Variants in GRIN2A observed in about 807,000 individuals in gnomAD.
GRIN2A encodes glutamate receptor ionotropic, NMDA 2A.
In GRIN2A, 22 loss-of-function variants were observed where a neutral mutation model predicts 113.4. The ratio of observed to expected loss-of-function variants is 0.19; its 90% CI spans 0.14 to 0.28. The LOEUF (loss-of-function observed/expected upper bound fraction) is 0.28, where lower values mean the gene tolerates loss of function less well. Among genes scored for constraint, GRIN2A ranks in the 10% least tolerant of loss-of-function variants. The pLI is 1.00. For missense variants in GRIN2A, 1,502 were observed against 1,887.0 expected (o/e 0.80, Z 3.78); for synonymous variants, 827 against 738.4 (o/e 1.12, Z -1.94).
At chr16:9,968,210 C>T (rs377721712) in intron 2 of GRIN2A, among the ~76,000 whole-genome samples, 6 of 152,182 alleles carry the variant, frequency 3.9e-5, no homozygotes, top group African/African-American at 1.2e-4. Flanking sequence ...CTTTGTATTG[C>T]TTCCTTCCTT....
At chr16:9,965,403 A>G (rs111490363) in intron 2 of GRIN2A, among the ~76,000 whole-genome samples, 1 of 152,194 alleles carries the variant, frequency 6.6e-6, no homozygotes, top group South Asian at 2.1e-4. Context: ...CTGCCTCAAT[A>G]TCATTAAAAG....
rs5016290 is a variant in GRIN2A, at chr16:9,892,951, G to A, written c.1008-1851C>T. 6.2e-3 allele frequency among the ~76,000 whole-genome samples: 800 copies of A among 128,994 alleles called. 2 individuals are homozygous for A. Among genetic ancestry groups the A allele is most frequent in the African/African-American group, 0.013 (398 of 30,642 alleles). The allele number at this position is 128,994 out of a possible 152,430, so 84.6% of individuals were successfully genotyped here. A position where few individuals can be genotyped will look rare whatever the true frequency, so the allele number is the denominator to read the frequency against. ...AAAAAGTGAAAAAAAAAAAAAAAAA[G>A]AAGAAGAAGAAGAAGAGAACTAGGC... On this transcript the variant is annotated intron_variant, in intron 3 of 12. Coordinates refer to ENST00000330684, the MANE Select transcript of GRIN2A (RefSeq NM_001134407.3).
intron 4 of GRIN2A, among the ~76,000 whole-genome samples, chr16:9,884,474 G>C (rs1210461923): frequency 6.6e-6 from 1 of 152,012 alleles, no homozygotes; most frequent in African/African-American, 2.4e-5. Flanking sequence ...GCTTGAACCT[G>C]GGAGGCAGAG....
chr16:9,928,676 G>A (rs1245670101), intron 3 of GRIN2A, among the ~76,000 whole-genome samples: 1 of 151,716 alleles, frequency 6.6e-6, no homozygotes, highest in African/African-American at 2.4e-5. Flanking sequence ...CAGACTCAAA[G>A]CCCCATCACC....
chr16:10,007,726 A>T (rs1157165595), intron 2 of GRIN2A, among the ~76,000 whole-genome samples: 6 of 152,194 alleles, frequency 3.9e-5, no homozygotes, highest in Admixed American at 3.9e-4. Flanking sequence ...GTAAAGGGAA[A>T]TAGAAAAGCA....
intron 2 of GRIN2A, among the ~76,000 whole-genome samples, chr16:10,088,339 G>A (rs1346723651): frequency 2.6e-5 from 4 of 152,166 alleles, no homozygotes; most frequent in African/African-American, 9.7e-5. Flanking sequence ...AAATGCCACA[G>A]TGCCACTTTC....
At chr16:9,948,853 G>A (rs769158541) in intron 2 of GRIN2A, among the ~76,000 whole-genome samples, 11 of 152,196 alleles carry the variant, frequency 7.2e-5, no homozygotes, top group Non-Finnish European at 1.5e-4. Flanking sequence ...TGACCCCAGG[G>A]TATGCATAGC....
chr16:9,784,980 C>T (rs12447580), intron 11 of GRIN2A, among the ~76,000 whole-genome samples: 5,599 of 152,210 alleles, frequency 0.037, 187 homozygotes, highest in Non-Finnish European at 0.049. Context: ...GGAACACTTA[C>T]ACTGTTGGTG....
chr16:9,937,882 A>G, intron 3 of GRIN2A, 77 bp downstream of exon 3: 3 of 1,006,114 alleles, frequency 3.0e-6, no homozygotes, highest in South Asian at 2.7e-5. Context: ...ATTTCCAACA[A>G]TGAGTATGTA....
chr16:9,966,952 G>C (rs2045566598), intron 2 of GRIN2A, among the ~76,000 whole-genome samples: 1 of 152,166 alleles, frequency 6.6e-6, no homozygotes, highest in Non-Finnish European at 1.5e-5. Context: ...TTGTTTAATA[G>C]TGACTCATTT....
intron 2 of GRIN2A, among the ~76,000 whole-genome samples, chr16:10,080,755 C>T (rs1269734006): frequency 6.6e-6 from 1 of 152,162 alleles, no homozygotes; most frequent in Non-Finnish European, 1.5e-5. Flanking sequence ...ATGACAATGC[C>T]TGGGACCCTC....
At position 10,180,240 on chromosome 16, in the gene GRIN2A, C is replaced by A. The variant is rs143833346; in HGVS notation, c.172G>T (p.Glu58Ter). 6.2e-7 allele frequency: 1 copy of A among 1,614,040 alleles called. No homozygotes were observed. The highest frequency in any genetic ancestry group is 8.5e-7 in the Non-Finnish European group (1 of 1,180,018). ...TCCAGGGGCAGCCCCGCCGCCTGCT[C>A]GGGGCCCCACAGTGTTCGAAGTTCG... ...ERELRTLWGP[E>*]QAAGLPLDVN... Residue 58 changes from glutamate to a stop codon, truncating the protein, a stop_gained, in exon 2 of 13, where the codon GAG (glutamate) becomes TAG (stop). Transcript: ENST00000330684. LOFTEE classifies it high-confidence loss of function. This position sits in a 1 kb window ranked among gnomAD's most constrained non-coding sequence, Gnocchi z 7.0.
chr16:10,133,870 C>T (rs2049128293), intron 2 of GRIN2A, among the ~76,000 whole-genome samples: 1 of 152,082 alleles, frequency 6.6e-6, no homozygotes, highest in South Asian at 2.1e-4. Flanking sequence ...CAAGTTACCA[C>T]ATCCAAACAA....
At chr16:9,987,272 G>T (rs1328314412) in intron 2 of GRIN2A, among the ~76,000 whole-genome samples, 4 of 152,090 alleles carry the variant, frequency 2.6e-5, no homozygotes, top group Non-Finnish European at 5.9e-5. Flanking sequence ...CAATACAGAT[G>T]GCCTAAAGAC....
chr16:9,999,020 C>T (rs972333036), intron 2 of GRIN2A, among the ~76,000 whole-genome samples: 19 of 152,138 alleles, frequency 1.2e-4, no homozygotes, highest in African/African-American at 4.3e-4. Context: ...ATCAGCAGAA[C>T]AAACAATATT....
At chr16:10,170,852 G>C (rs1000829773) in intron 2 of GRIN2A, among the ~76,000 whole-genome samples, 1 of 150,542 alleles carries the variant, frequency 6.6e-6, no homozygotes, top group Non-Finnish European at 1.5e-5. Context: ...ACTCCAGCCT[G>C]GGCAACAGAG....
intron 2 of GRIN2A, among the ~76,000 whole-genome samples, chr16:10,088,278 G>C (rs1014952660): frequency 1.5e-4 from 23 of 152,140 alleles, no homozygotes; most frequent in Non-Finnish European, 2.6e-4. Flanking sequence ...TGGAAATACT[G>C]CCAACATAGA....
At chr16:10,120,284 A>G (rs1596527059) in intron 2 of GRIN2A, among the ~76,000 whole-genome samples, 2 of 152,204 alleles carry the variant, frequency 1.3e-5, no homozygotes, top group African/African-American at 4.8e-5. Context: ...TTTAGTGGGT[A>G]GAGTCCAGGG....
intron 5 of GRIN2A, among the ~76,000 whole-genome samples, chr16:9,847,488 C>T (rs1326072216): frequency 2.0e-5 from 3 of 151,926 alleles, no homozygotes; most frequent in Non-Finnish European, 2.9e-5. Context: ...ACACTTGAGC[C>T]TAGGAGTTCA....
Sources: allele counts gnomAD v4.1 joint callset (sites outside exome capture counted in the v4.1 genomes callset), GRCh38; gene constraint gnomAD v4.1.1; non-coding constraint Gnocchi (gnomAD v3.1); transcripts MANE v1.5; gene names NCBI Gene and HGNC (gene_info 2026-07-23, HGNC 2026-07-21).